Variants in UACA observed in about 807,000 individuals in gnomAD.
UACA encodes the protein nuclear membrane binding protein.
UACA carries 112 observed loss-of-function variants against 160.5 expected under a neutral mutation model. The ratio of observed to expected loss-of-function variants is 0.70; its 90% confidence interval spans 0.60 to 0.82. The LOEUF is 0.82. UACA is among the 40% of genes least tolerant of loss of function. The pLI is 0.00. For synonymous variants in UACA, 557 were observed against 568.4 expected (o/e 0.98, Z 0.29); for missense variants, 1,574 against 1,614.6 (o/e 0.97, Z 0.43).
rs1896609497 is a variant in UACA, at chr15:70,659,396, T to TTG, written c.4179+754_4179+755insCA. ...CTTTCCCTTCTTCATTTTTTGTTTGTTTTTTTTTTTTTTTTTTTTTTTTTT... is the reference window on the plus strand; with the variant it reads ...CTTTCCCTTCTTCATTTTTTGTTTGTTGTTTTTTTTTTTTTTTTTTTTTTTTT... On this transcript the variant is annotated intron_variant, in intron 18 of 18. Transcript: ENST00000322954. Among the ~76,000 whole-genome samples, 3 of 57,300 alleles carry TTG rather than the reference T, an allele frequency of 5.2e-5. No individual in the cohort carries two copies. The East Asian group carries it at 1.4e-3, about 28-fold the overall frequency. The allele number at this position is 57,300 out of a possible 152,430, so 37.6% of individuals were successfully genotyped here. A position where few individuals can be genotyped will look rare whatever the true frequency, so the allele number is the denominator to read the frequency against.
chr15:70,683,226 G>T (rs956362295), intron 8 of UACA, among the ~76,000 whole-genome samples: 10 of 151,968 alleles, frequency 6.6e-5, no homozygotes, highest in Admixed American at 5.2e-4. Flanking sequence ...GGCCATGGTG[G>T]TACATGCCTG....
chr15:70,755,594 C>T lies in UACA; in HGVS notation c.78+7736G>A, dbSNP rs184993503. Among the ~76,000 whole-genome samples the T allele has an allele frequency of 6.0e-4, 91 of 151,698 alleles. No individual in the cohort carries two copies. In the Middle Eastern group the frequency reaches 0.02, roughly 34 times the overall value. ...CTGAGGCAAGAGAATCTCTTGAACCCGAGAGGCAGAGGTTGCAGTGGGCCA... is the reference window on the plus strand; with the variant it reads ...CTGAGGCAAGAGAATCTCTTGAACCTGAGAGGCAGAGGTTGCAGTGGGCCA... On this transcript the variant is annotated intron_variant, in intron 1 of 18. Coordinates refer to ENST00000322954, the MANE Select transcript of UACA (RefSeq NM_018003.4).
chr15:70,672,034 A>AG (rs1897156029), intron 13 of UACA, 33 bp from the exon 14 acceptor site: 2 of 1,570,770 alleles, frequency 1.3e-6, no homozygotes, highest in East Asian at 4.6e-5. Flanking sequence ...TTTTAGGGTG[A>AG]ATGCTGCCTC....
chr15:70,753,869 G>A (rs762146336), intron 1 of UACA, among the ~76,000 whole-genome samples: 4 of 152,124 alleles, frequency 2.6e-5, no homozygotes, highest in South Asian at 2.1e-4. Flanking sequence ...GCAGTGGCGC[G>A]ATCTCGGCTC....
At chr15:70,740,038 T>C (rs1028728172) in intron 1 of UACA, among the ~76,000 whole-genome samples, 1 of 152,200 alleles carries the variant, frequency 6.6e-6, no homozygotes, top group Admixed American at 6.5e-5. Context: ...AATCAAAATA[T>C]ACCTTAGAGA....
In UACA at chr15:70,655,438, G is replaced by A. The variant is rs1896453459; in HGVS notation, c.*1618C>T. 6.6e-6 allele frequency: 1 copy of A among 152,132 alleles called. No individual in the cohort carries two copies. The highest frequency in any genetic ancestry group is 2.4e-5 in the African/African-American group (1 of 41,416). The allele number at this position is 152,132 out of a possible 1,614,324, so 9.4% of individuals were successfully genotyped here. A position where few individuals can be genotyped will look rare whatever the true frequency, so the allele number is the denominator to read the frequency against. On this transcript the variant is annotated 3_prime_UTR_variant, in exon 19 of 19. Transcript: ENST00000322954. ...AGATGGGGCTTCACCATATTGGTAA[G>A]GCTGGTCTCGAACTTCTGACCTCAG...
intron 1 of UACA, among the ~76,000 whole-genome samples, chr15:70,749,983 C>G (rs555793683): frequency 1.1e-4 from 17 of 152,288 alleles, no homozygotes; most frequent in Admixed American, 3.3e-4. Context: ...AACAGTGCAT[C>G]AAACCCAGGA....
chr15:70,775,229 C>T, the UACA span, among the ~76,000 whole-genome samples: 1 of 151,982 alleles, frequency 6.6e-6, no homozygotes, highest in East Asian at 1.9e-4. Context: ...AATTGGGGGG[C>T]TAATTTATAG....
chr15:70,676,502 T>C lies in UACA; in HGVS notation c.1122A>G (p.Lys374=). 1 of 1,606,888 alleles carries C rather than the reference T, an allele frequency of 6.2e-7. No homozygotes were observed. The highest frequency in any genetic ancestry group is 1.1e-5 in the South Asian group (1 of 90,818). Residue 374 remains lysine (K), a synonymous_variant, in exon 13 of 19, where the codon AAA becomes AAG. Coordinates refer to ENST00000322954, the MANE Select transcript of UACA (RefSeq NM_018003.4). The part of the protein sequence containing the change: ...RTIEALKNRF[K]YFESDHLGSG... ...TTTATCCTTTCTATACCTCAAAATA[T>C]TTAAATCTATTTTTCAGAGCCTCAA...
intron 12 of UACA, 30 bp from the exon 13 acceptor site, chr15:70,676,621 A>T: frequency 6.4e-7 from 1 of 1,557,840 alleles, no homozygotes; most frequent in Admixed American, 1.7e-5. Context: ...ATACAGTAAA[A>T]TCACCCTGTG....
intron 1 of UACA, among the ~76,000 whole-genome samples, chr15:70,708,668 G>A (rs573228248): frequency 1.8e-4 from 28 of 152,028 alleles, no homozygotes; most frequent in Non-Finnish European, 3.4e-4. Context: ...ACAGGATTTT[G>A]CCATGTTGGC....
In UACA at chr15:70,678,189, A is replaced by G; in HGVS notation, c.909T>C (p.Asn303=). Residue 303 remains asparagine (N), a synonymous_variant, in exon 11 of 19, where the codon AAT becomes AAC. Transcript: ENST00000322954. ...HQNIQDLEIE[N]EDLKERLRKI... The stretch of plus-strand genomic sequence containing the variant: ...TTCTCAACCTCTCTTTCAAATCTTC[A>G]TTTTCAATCTCCAAATCCTTAAATA... The G allele has an allele frequency of 6.2e-7, 1 of 1,609,872 alleles. No homozygotes were observed. Among genetic ancestry groups the G allele is most frequent in the Non-Finnish European group, 8.5e-7 (1 of 1,178,722 alleles).
rs1390644493 is a variant in UACA, at chr15:70,706,488, C to T, written c.79-6828G>A. ...TCAGAAAGGAAGAAGTTGAAATCATCTCTGTTCTCAAATGCAATGATCTTA... is the reference window on the plus strand; with the variant it reads ...TCAGAAAGGAAGAAGTTGAAATCATTTCTGTTCTCAAATGCAATGATCTTA... On this transcript the variant is annotated intron_variant, in intron 1 of 18. Coordinates refer to ENST00000322954, the MANE Select transcript of UACA (RefSeq NM_018003.4). 2.0e-5 allele frequency among the ~76,000 whole-genome samples: 3 copies of T among 147,772 alleles called. No homozygotes were observed. The East Asian group carries it at 6.0e-4, about 30-fold the overall frequency.
At chr15:70,746,684 A>G (rs986293799) in intron 1 of UACA, among the ~76,000 whole-genome samples, 1 of 152,122 alleles carries the variant, frequency 6.6e-6, no homozygotes, top group African/African-American at 2.4e-5. Context: ...ACATGCACAC[A>G]TATGTTTACT....
At position 70,674,647 on chromosome 15, in the gene UACA, G is replaced by A. The variant is rs1033568533; in HGVS notation, c.1131+1846C>T. On this transcript the variant is annotated intron_variant, in intron 13 of 18. Coordinates refer to ENST00000322954, the MANE Select transcript of UACA (RefSeq NM_018003.4). The stretch of plus-strand genomic sequence containing the variant: ...ACAGAGTCTCACTGTCACCCAGGCT[G>A]GAGTGCAGTGGCGTGATCTCACTCA... Among the ~76,000 whole-genome samples the A allele has an allele frequency of 1.3e-5, 2 of 152,092 alleles. 1 individual carries two copies. The highest frequency in any genetic ancestry group is 2.9e-5 in the Non-Finnish European group (2 of 68,020).
chr15:70,715,173 A>G (rs985402964), intron 1 of UACA, among the ~76,000 whole-genome samples: 2 of 152,222 alleles, frequency 1.3e-5, no homozygotes, highest in Non-Finnish European at 2.9e-5. Flanking sequence ...TTTTTTAAAT[A>G]TAAAGCTAAA....
In UACA at chr15:70,669,555, A is replaced by G; in HGVS notation, c.1222-93T>C. The G allele has an allele frequency of 6.0e-6, 6 of 997,010 alleles. No homozygotes were observed. The South Asian group carries it at 1.1e-4, about 19-fold the overall frequency. The allele number at this position is 997,010 out of a possible 1,614,324, so 61.8% of individuals were successfully genotyped here. A position where few individuals can be genotyped will look rare whatever the true frequency, so the allele number is the denominator to read the frequency against. On this transcript the variant is annotated intron_variant, in intron 15 of 18. Coordinates refer to ENST00000322954, the MANE Select transcript of UACA (RefSeq NM_018003.4). ...CAAACTTAGAGAAAGTTAGCACATC[A>G]TCAGGAATCAAAGGGTTTTCAGATT...
In UACA at chr15:70,660,079, T is replaced by A. The variant is rs570828709; in HGVS notation, c.4179+72A>T. ...ACTTTAAACATCAATTACTTTCACA[T>A]AAATTTATTTGAAAATAAAAAATTA... On this transcript the variant is annotated intron_variant, in intron 18 of 18. Transcript: ENST00000322954. The A allele has an allele frequency of 1.1e-5, 14 of 1,274,512 alleles. No individual in the cohort carries two copies. The South Asian group carries it at 1.9e-4, about 17-fold the overall frequency. 79.0% of individuals were successfully genotyped at this position (1,274,512 alleles called of 1,614,324 possible).
At chr15:70,701,375 T>C (rs1015178590) in intron 1 of UACA, among the ~76,000 whole-genome samples, 2 of 152,190 alleles carry the variant, frequency 1.3e-5, no homozygotes, top group African/African-American at 2.4e-5. Context: ...TTACAAGACA[T>C]TGTGTTTTCA....
Sources: gnomAD v4.1 joint callset for allele counts (sites outside exome capture counted in the v4.1 genomes callset) on GRCh38, gnomAD v4.1.1 for gene constraint, MANE v1.5 for transcripts, NCBI Gene and HGNC (gene_info 2026-07-23, HGNC 2026-07-21) for gene names.